PITPNM1: variants seen among roughly 807,000 people sequenced by gnomAD.
The protein encoded by PITPNM1 is membrane-associated phosphatidylinositol transfer protein 1.
Under a neutral mutation model 133.3 loss-of-function variants are expected in PITPNM1, and 74 were observed. The ratio of observed to expected loss-of-function variants is 0.56; its 90% CI spans 0.46 to 0.67. PITPNM1 has a LOEUF of 0.67. PITPNM1 is among the 30% of genes least tolerant of loss of function. PITPNM1 has a pLI of 0.00. For missense variants in PITPNM1, 1,398 were observed against 1,739.5 expected (o/e 0.80, Z 3.49); for synonymous variants, 738 against 741.4 (o/e 1.00, Z 0.08).
Position 67,497,310 on chromosome 11 carries a change from C to T in PITPNM1, c.2067G>A (p.Lys689=), listed in dbSNP as rs747265012. The change falls in exon 14 of 24, where the codon AAG becomes AAA. Residue 689 remains lysine, a synonymous_variant. Transcript: ENST00000356404. ...AGCCGAAGAGGAAGAAGCCAGAGACCTTGAAGTCAAGGCGGGCAGTGCTGC... is the reference window on the plus strand; with the variant it reads ...AGCCGAAGAGGAAGAAGCCAGAGACTTTGAAGTCAAGGCGGGCAGTGCTGC... ...GPSSTARLDF[K]VSGFFLFGSP... is the part of the protein sequence containing the mutation. The T allele has an allele frequency of 3.7e-6, 6 of 1,612,352 alleles. No individual in the cohort carries two copies. Among genetic ancestry groups the T allele is most frequent in the Admixed American group, 1.7e-5 (1 of 59,978 alleles).
At position 67,495,494 on chromosome 11, in the gene PITPNM1, G is replaced by A. The variant is rs1480049870; in HGVS notation, c.2426C>T (p.Ala809Val). The change falls in exon 16 of 24, where the codon GCC becomes GTC. Residue 809 changes from alanine to valine, a missense_variant. By Grantham distance (64) the Ala-to-Val change is moderately conservative. Transcript: ENST00000356404. The stretch of plus-strand genomic sequence containing the variant: ...GGCTGGCTGGGCCGGGGGGTCAGTG[G>A]CCAACTCACTGCCCTTCCAGAAGGC... The part of the protein sequence containing the change: ...SGAFWKGSEL[A>V]TDPPAQPAAP... 3 of 1,572,616 alleles carry A rather than the reference G, an allele frequency of 1.9e-6. No individual in the cohort carries two copies. Among genetic ancestry groups the A allele is most frequent in the East Asian group, 2.3e-5 (1 of 43,816 alleles).
In PITPNM1 at chr11:67,500,227, G is replaced by A. The variant is rs756559907; in HGVS notation, c.835C>T (p.Arg279Trp). ...GTGCCAGTGTTGCTGGCCGCAGACCGGGCCTCGGTGCTCGGTTTCCCGGGG... is the reference window on the plus strand; with the variant it reads ...GTGCCAGTGTTGCTGGCCGCAGACCAGGCCTCGGTGCTCGGTTTCCCGGGG... ...QPPGKPSTEARSAASNTGTPD... is the reference protein window; with the variant it reads ...QPPGKPSTEAWSAASNTGTPD... The change falls in exon 6 of 24, where the codon CGG (arginine) becomes TGG (tryptophan). Residue 279 changes from arginine (R) to tryptophan (W), a missense_variant. Around this residue, in one of 5 missense-constraint regions of PITPNM1, gnomAD observed 195 missense variants for 178.8 expected, o/e 1.09. Transcript: ENST00000356404. 2.4e-5 allele frequency: 39 copies of A among 1,604,594 alleles called. No homozygotes were observed. Among genetic ancestry groups the A allele is most frequent in the Middle Eastern group, 1.6e-4 (1 of 6,080 alleles).
chr11:67,499,614 T>C (rs1359888924), intron 8 of PITPNM1, 109 bp downstream of exon 8: 2 of 82,414 alleles, frequency 2.4e-5, no homozygotes, highest in African/African-American at 3.6e-4. Context: ...TATTCGTCTA[T>C]GTATTTAATG....
Position 67,494,845 on chromosome 11 carries a change from C to T in PITPNM1, c.2742+1G>A, listed in dbSNP as rs757045550. On this transcript the variant is annotated splice_donor_variant, in intron 18 of 23. Coordinates refer to ENST00000356404, the MANE Select transcript of PITPNM1 (RefSeq NM_004910.3). LOFTEE classifies it high-confidence loss of function. Reference sequence around the variant, plus strand: ...GAGGGGGCGAGGGGCAGGGCACCTACCCGGATCTTGACCTGCGTGCGTTTT... The same window carrying T: ...GAGGGGGCGAGGGGCAGGGCACCTATCCGGATCTTGACCTGCGTGCGTTTT... 6.2e-7 allele frequency: 1 copy of T among 1,608,806 alleles called. No individual in the cohort carries two copies.
intron 2 of PITPNM1, 180 bp downstream of exon 2, chr11:67,503,923 A>C: frequency 3.8e-6 from 2 of 519,876 alleles, no homozygotes; most frequent in Non-Finnish European, 6.9e-6. Flanking sequence ...CACTTAGCGG[A>C]TGGGAAGCAC....
Position 67,492,219 on chromosome 11 carries a change from C to T in PITPNM1, c.3549G>A (p.Pro1183=), listed in dbSNP as rs148285653. The part of the protein sequence containing the change: ...GSHSHASSGP[P]RAALGKSSYG... The stretch of plus-strand genomic sequence containing the variant: ...AGCTGCTCTTGCCCAAGGCAGCTCT[C>T]GGGGGTCCCGAGGAGGCATGCGAGT... The change falls in exon 24 of 24, where the codon CCG becomes CCA. Residue 1183 remains proline, a synonymous_variant. Coordinates refer to ENST00000356404, the MANE Select transcript of PITPNM1 (RefSeq NM_004910.3). 8.8e-5 allele frequency: 141 copies of T among 1,609,492 alleles called. No homozygotes were observed. The African/African-American group carries it at 1.1e-3, about 13-fold the overall frequency.
intron 2 of PITPNM1, among the ~76,000 whole-genome samples, chr11:67,503,584 G>T (rs1866400921): frequency 6.6e-6 from 1 of 152,162 alleles, no homozygotes; most frequent in Admixed American, 6.5e-5. Flanking sequence ...GCTGGGGACA[G>T]ATCTGGAGCA....
At position 67,495,486 on chromosome 11, in the gene PITPNM1, G is replaced by T; in HGVS notation, c.2434C>A (p.Pro812Thr). Residue 812 changes from proline to threonine, a missense_variant, in exon 16 of 24, where the codon CCC becomes ACC. Pro to Thr is a conservative substitution (Grantham distance 38, BLOSUM62 -1). Around this residue, in one of 5 missense-constraint regions of PITPNM1, gnomAD observed 574 missense variants for 698.7 expected, o/e 0.82. Coordinates refer to ENST00000356404, the MANE Select transcript of PITPNM1 (RefSeq NM_004910.3). ...CTGGGGGCGGCTGGCTGGGCCGGGG[G>T]GTCAGTGGCCAACTCACTGCCCTTC... Reference protein sequence around the residue: ...FWKGSELATDPPAQPAAPSTT... With the variant: ...FWKGSELATDTPAQPAAPSTT... 1.3e-6 allele frequency: 2 copies of T among 1,565,958 alleles called. No homozygotes were observed. Among genetic ancestry groups the T allele is most frequent in the Non-Finnish European group, 1.7e-6 (2 of 1,157,370 alleles).
chr11:67,493,299 G>T, intron 22 of PITPNM1, 111 bp downstream of exon 22: 1 of 1,259,858 alleles, frequency 7.9e-7, no homozygotes, highest in South Asian at 1.5e-5. Flanking sequence ...CAGTCAGGCA[G>T]GGCCCGGGCC....
chr11:67,495,523 G>C lies in PITPNM1; in HGVS notation c.2397C>G (p.Ser799Arg). 1 of 1,587,546 alleles carries C rather than the reference G, an allele frequency of 6.3e-7. No individual in the cohort carries two copies. The highest frequency in any genetic ancestry group is 8.6e-7 in the Non-Finnish European group (1 of 1,169,588). The part of the protein sequence containing the change: ...MLVPSTPTST[S>R]GAFWKGSELA... ...ACTCACTGCCCTTCCAGAAGGCACC[G>C]CTAGTAGAGGTGGGTGTTGAGGGCA... Residue 799 changes from serine to arginine, a missense_variant, in exon 16 of 24, where the codon AGC (serine) becomes AGG (arginine). Transcript: ENST00000356404.
Position 67,497,793 on chromosome 11 carries a change from A to G in PITPNM1, c.1783-114T>C, listed in dbSNP as rs554095298. On this transcript the variant is annotated intron_variant, in intron 12 of 23. Transcript: ENST00000356404. ...TGGGCAGAGCAGAATTCCAGAGAAG[A>G]CATGAACTGGCAGGGCAGCAGGGGG... 74 of 1,498,400 alleles carry G rather than the reference A, an allele frequency of 4.9e-5. No homozygotes were observed. In the South Asian group the frequency reaches 7.8e-4, roughly 16 times the overall value. The allele number at this position is 1,498,400 out of a possible 1,614,324, so 92.8% of individuals were successfully genotyped here.
chr11:67,496,074 G>T, intron 15 of PITPNM1, 104 bp downstream of exon 15: 1 of 1,116,828 alleles, frequency 9.0e-7, no homozygotes. Flanking sequence ...GTGGTGGCCT[G>T]AGAGGTTTTC....
chr11:67,495,551 A>G lies in PITPNM1; in HGVS notation c.2369T>C (p.Leu790Pro). The change falls in exon 16 of 24, where the codon CTG (leucine) becomes CCG (proline). Residue 790 changes from leucine (L) to proline (P), a missense_variant. This residue lies in a region of PITPNM1 where 574 missense variants were observed against 698.7 expected (regional missense o/e 0.82). Coordinates refer to ENST00000356404, the MANE Select transcript of PITPNM1 (RefSeq NM_004910.3). ...SSLFLEELEM[L>P]VPSTPTSTSG... ...AGTAGAGGTGGGTGTTGAGGGCACC[A>G]GCATCTCCAGCTCCTCCAGAAAGAG... The G allele has an allele frequency of 6.3e-7, 1 of 1,587,372 alleles. No homozygotes were observed.
chr11:67,501,881 C>T lies in PITPNM1; in HGVS notation c.621G>A (p.Glu207=). 6.2e-7 allele frequency: 1 copy of T among 1,613,710 alleles called. No homozygotes were observed. Among genetic ancestry groups the T allele is most frequent in the Non-Finnish European group, 8.5e-7 (1 of 1,180,006 alleles). Residue 207 remains glutamate (E), a synonymous_variant, in exon 5 of 24, where the codon GAG becomes GAA. Coordinates refer to ENST00000356404, the MANE Select transcript of PITPNM1 (RefSeq NM_004910.3). ...FRYWGMQAKI[E]QFIHDVGLRR... ...GCTCACCTACATCATGGATGAACTG[C>T]TCGATCTTGGCTTGCATGCCCCAGT... is the stretch of plus-strand genomic sequence containing the variant.
At chr11:67,497,773 A>G (rs1450434979) in intron 12 of PITPNM1, 94 bp from the exon 13 acceptor site, 4 of 1,544,112 alleles carry the variant, frequency 2.6e-6, no homozygotes, top group Non-Finnish European at 3.5e-6. Flanking sequence ...GGGGTTGGGC[A>G]GAGCAGAATT....
At position 67,491,971 on chromosome 11, in the gene PITPNM1, C is replaced by A; in HGVS notation, c.*62G>T. 6.4e-7 allele frequency: 1 copy of A among 1,556,582 alleles called. No homozygotes were observed. The highest frequency in any genetic ancestry group is 8.7e-7 in the Non-Finnish European group (1 of 1,148,106). On this transcript the variant is annotated 3_prime_UTR_variant, in exon 24 of 24. Transcript: ENST00000356404. Reference sequence around the variant, plus strand: ...AAGTCTGGGTCCCCAGCCTCCCACACGCAGCCCCTCGGGCCCCTTGGGTGT... The same window carrying A: ...AAGTCTGGGTCCCCAGCCTCCCACAAGCAGCCCCTCGGGCCCCTTGGGTGT...
rs1464931920 is a variant in PITPNM1 at position 67,498,510 on chromosome 11, C to G, written c.1484+86G>C. 6.5e-7 allele frequency: 1 copy of G among 1,537,942 alleles called. No homozygotes were observed. The highest frequency in any genetic ancestry group is 2.3e-5 in the East Asian group (1 of 44,260). On this transcript the variant is annotated intron_variant, in intron 10 of 23. Coordinates refer to ENST00000356404, the MANE Select transcript of PITPNM1 (RefSeq NM_004910.3). The surrounding 1 kb of genome is among the most constrained non-coding windows in gnomAD (Gnocchi z 5.7). ...CCATGCCAGTGACCGACCCAGGTGT[C>G]TGGCTTCCTGACCCCTTCCCCGCTC...
Position 67,492,296 on chromosome 11 carries a change from A to G in PITPNM1, c.3472T>C (p.Phe1158Leu). Residue 1158 changes from phenylalanine to leucine, a missense_variant and splice_region_variant, in exon 24 of 24, where the codon TTC becomes CTC. Phe to Leu is a conservative substitution (Grantham distance 22, BLOSUM62 0). Transcript: ENST00000356404. ...AVRKLQAQCQ[F>L]LSDGYVAHLG... ...TGGGCCACATAGCCGTCTGACAGGA[A>G]CTGTGGGCAGAGGTAGGCAGCGATG... 1 of 1,559,102 alleles carries G rather than the reference A, an allele frequency of 6.4e-7. No individual in the cohort carries two copies. Among genetic ancestry groups the G allele is most frequent in the Non-Finnish European group, 8.7e-7 (1 of 1,150,352 alleles).
At position 67,498,522 on chromosome 11, in the gene PITPNM1, CCCCTTCCCCGCT is replaced by C; in HGVS notation, c.1484+62_1484+73del. On this transcript the variant is annotated intron_variant, in intron 10 of 23. Transcript: ENST00000356404. The surrounding 1 kb of genome is among the most constrained non-coding windows in gnomAD (Gnocchi z 5.7). ...CCGACCCAGGTGTCTGGCTTCCTGA[CCCCTTCCCCGCT>C]CCCTGCCCCGCTCCCTGGCCTGATC... 6.5e-7 allele frequency: 1 copy of C among 1,550,162 alleles called. No homozygotes were observed. Among genetic ancestry groups the C allele is most frequent in the African/African-American group, 1.3e-5 (1 of 74,196 alleles).
Sources: allele counts gnomAD v4.1 joint callset (sites outside exome capture counted in the v4.1 genomes callset), GRCh38; gene constraint gnomAD v4.1.1; regional missense constraint gnomAD v4.1.1; non-coding constraint Gnocchi (gnomAD v3.1); transcripts MANE v1.5; gene names NCBI Gene and HGNC (gene_info 2026-07-23, HGNC 2026-07-21).